CREG2: variants seen among roughly 807,000 people sequenced by gnomAD.
CREG2 encodes the protein cellular repressor of E1A stimulated genes 2, also known as protein CREG2.
CREG2 carries 24 observed loss-of-function variants against 26.2 expected under a neutral mutation model. The observed-to-expected ratio is 0.92, with a 90% CI of 0.66 to 1.29. The LOEUF is 1.29. CREG2 is among the 50% of genes most tolerant of loss of function. The pLI is 0.00. For synonymous variants in CREG2, 174 were observed against 169.2 expected (o/e 1.03, Z -0.22); for missense variants, 366 against 398.6 (o/e 0.92, Z 0.70).
intron 2 of CREG2, among the ~76,000 whole-genome samples, chr2:101,357,100 G>A (rs1052407785): frequency 6.6e-6 from 1 of 152,208 alleles, no homozygotes; most frequent in Admixed American, 6.5e-5. Flanking sequence ...TATTGGCCAA[G>A]CTGGTCTCAA....
intron 3 of CREG2, among the ~76,000 whole-genome samples, chr2:101,352,832 C>T (rs1684402511): frequency 6.6e-6 from 1 of 152,062 alleles, no homozygotes; most frequent in Non-Finnish European, 1.5e-5. Context: ...TGTGGGTAGT[C>T]CTAGCTACTC....
intron 2 of CREG2, chr2:101,381,984 G>C (rs1684881712): frequency 6.6e-6 from 1 of 152,454 alleles, no homozygotes; most frequent in Non-Finnish European, 1.5e-5. Flanking sequence ...GCTGCCATTT[G>C]CCTGGGGGTT....
Position 101,387,292 on chromosome 2 carries a change from C to T in CREG2, c.166G>A (p.Glu56Lys), listed in dbSNP as rs1316714563. The change falls in exon 1 of 4, where the codon GAG becomes AAG. Residue 56 changes from glutamate to lysine, a missense_variant. By Grantham distance (56) the Glu-to-Lys change is moderately conservative. This residue lies in a region of CREG2 where 177 missense variants were observed against 183.3 expected (regional missense o/e 0.97). Transcript: ENST00000324768. This position sits in a 1 kb window ranked among gnomAD's most constrained non-coding sequence, Gnocchi z 4.7. Reference protein sequence around the residue: ...VDEELDSASTEEAMPALLEDS... With the variant: ...VDEELDSASTKEAMPALLEDS... ...TCTAGCAGCGCGGGCATAGCCTCCT[C>T]AGTGGAGGCGCTGTCCAGCTCCTCG... is the stretch of plus-strand genomic sequence containing the variant. The T allele has an allele frequency of 2.7e-6, 4 of 1,487,376 alleles. No homozygotes were observed. Among genetic ancestry groups the T allele is most frequent in the Non-Finnish European group, 9.0e-7 (1 of 1,111,866 alleles). The allele number at this position is 1,487,376 out of a possible 1,614,324, so 92.1% of individuals were successfully genotyped here.
chr2:101,385,333 C>A (rs1236574931), intron 1 of CREG2, among the ~76,000 whole-genome samples: 2 of 152,100 alleles, frequency 1.3e-5, no homozygotes, highest in Admixed American at 1.3e-4. Context: ...AGGTGCATGC[C>A]ACCATGCCTG....
In CREG2 at chr2:101,348,304, T is replaced by C. The variant is rs1348241768; in HGVS notation, c.*2619A>G. The C allele has an allele frequency of 6.6e-6, 1 of 152,254 alleles. No individual in the cohort carries two copies. The highest frequency in any genetic ancestry group is 2.4e-5 in the African/African-American group (1 of 41,474). The allele number at this position is 152,254 out of a possible 1,614,324, so 9.4% of individuals were successfully genotyped here. A position where few individuals can be genotyped will look rare whatever the true frequency, so the allele number is the denominator to read the frequency against. On this transcript the variant is annotated 3_prime_UTR_variant, in exon 4 of 4. Coordinates refer to ENST00000324768, the MANE Select transcript of CREG2 (RefSeq NM_153836.4). ...CAATGCCTGTGCCTTTCCATGTAAC[T>C]TTTAAAATAAGCTTGTATAGGTCTA... is the stretch of plus-strand genomic sequence containing the variant.
chr2:101,373,930 G>A (rs962140939), intron 2 of CREG2, among the ~76,000 whole-genome samples: 3 of 152,202 alleles, frequency 2.0e-5, no homozygotes, highest in Admixed American at 6.5e-5. Context: ...GCAGTGGCAC[G>A]ATCGCTGCTC....
chr2:101,383,045 G>T, intron 2 of CREG2: 1 of 971,076 alleles, frequency 1.0e-6, no homozygotes, highest in Non-Finnish European at 1.2e-6. Flanking sequence ...TTGAAAAAGT[G>T]AATTAAAAAA....
chr2:101,351,405 G>A (rs1440167586), intron 3 of CREG2, among the ~76,000 whole-genome samples: 2 of 152,180 alleles, frequency 1.3e-5, no homozygotes, highest in Non-Finnish European at 2.9e-5. Context: ...ATGCTGATGC[G>A]GCTCTTCATA....
chr2:101,355,881 G>A (rs1684450613), intron 2 of CREG2, among the ~76,000 whole-genome samples: 2 of 152,252 alleles, frequency 1.3e-5, no homozygotes, highest in South Asian at 4.1e-4. Flanking sequence ...TGCTCTTTTA[G>A]TGGTTGCCGT....
intron 2 of CREG2, among the ~76,000 whole-genome samples, chr2:101,366,584 G>A (rs145667940): frequency 0.012 from 1,858 of 152,126 alleles, 27 homozygotes; most frequent in African/African-American, 0.043. Flanking sequence ...GCACTTTGGG[G>A]GGCTGAGGCA....
At chr2:101,375,146 G>C (rs1684770551) in intron 2 of CREG2, among the ~76,000 whole-genome samples, 1 of 152,140 alleles carries the variant, frequency 6.6e-6, no homozygotes, top group Non-Finnish European at 1.5e-5. Flanking sequence ...GTCCCTCTCT[G>C]GTGTGTGATT....
intron 2 of CREG2, among the ~76,000 whole-genome samples, chr2:101,369,201 A>C (rs543930429): frequency 4.5e-4 from 69 of 152,282 alleles, no homozygotes; most frequent in African/African-American, 1.5e-3. Flanking sequence ...AGGGAGACCT[A>C]GTTGGGAGAA....
chr2:101,356,545 TTTTC>T (rs1684463214), intron 2 of CREG2, among the ~76,000 whole-genome samples: 1 of 139,672 alleles, frequency 7.2e-6, no homozygotes, highest in Admixed American at 7.0e-5. Context: ...GTCAGGTGGG[TTTTC>T]TTTCTTTTTT....
chr2:101,362,446 A>C (rs1684556475), intron 2 of CREG2, among the ~76,000 whole-genome samples: 1 of 152,186 alleles, frequency 6.6e-6, no homozygotes, highest in South Asian at 2.1e-4. Context: ...TTTCAACTGA[A>C]AGGTTGCTCA....
intron 2 of CREG2, among the ~76,000 whole-genome samples, chr2:101,375,058 A>G (rs528181617): frequency 6.6e-6 from 1 of 152,242 alleles, no homozygotes; most frequent in African/African-American, 2.4e-5. Flanking sequence ...TGTCTGCAGT[A>G]TAAGGGACTG....
intron 2 of CREG2, chr2:101,382,709 A>C: frequency 1.0e-6 from 1 of 985,406 alleles, no homozygotes; most frequent in Non-Finnish European, 1.2e-6. Flanking sequence ...TTGTTTGGTT[A>C]TTATGTTTTC....
At chr2:101,372,011 T>C (rs1684715075) in intron 2 of CREG2, among the ~76,000 whole-genome samples, 1 of 152,174 alleles carries the variant, frequency 6.6e-6, no homozygotes, top group African/African-American at 2.4e-5. Flanking sequence ...GTCTTATTTT[T>C]GAAGGCCAGG....
At chr2:101,353,465 A>G (rs1684411536) in intron 3 of CREG2, among the ~76,000 whole-genome samples, 1 of 152,220 alleles carries the variant, frequency 6.6e-6, no homozygotes, top group Admixed American at 6.5e-5. Context: ...TCAGGAAGCA[A>G]CAGATGCTGG....
At chr2:101,361,968 G>A (rs1684546059) in intron 2 of CREG2, among the ~76,000 whole-genome samples, 1 of 152,102 alleles carries the variant, frequency 6.6e-6, no homozygotes, top group African/African-American at 2.4e-5. Context: ...CTATTGTTGA[G>A]GCATCCACTT....
Sources: allele counts gnomAD v4.1 joint callset (sites outside exome capture counted in the v4.1 genomes callset), GRCh38; gene constraint gnomAD v4.1.1; regional missense constraint gnomAD v4.1.1; non-coding constraint Gnocchi (gnomAD v3.1); transcripts MANE v1.5; gene names NCBI Gene and HGNC (gene_info 2026-07-23, HGNC 2026-07-21).